Variants in HSD11B1L observed in about 807,000 individuals in gnomAD.
HSD11B1L encodes the protein hydroxysteroid 11-beta dehydrogenase 1 like.
A neutral mutation model predicts 27.0 loss-of-function variants in HSD11B1L; 22 were observed. The ratio of observed to expected loss-of-function variants is 0.81; its 90% CI spans 0.58 to 1.16. The LOEUF (loss-of-function observed/expected upper bound fraction) is 1.16, where lower values mean the gene tolerates loss of function less well. Among genes scored for constraint, HSD11B1L ranks in the 50% most tolerant of loss-of-function variants. HSD11B1L has a pLI of 0.00. For synonymous variants in HSD11B1L, 187 were observed against 189.2 expected, an observed-to-expected ratio of 0.99 and a Z score of 0.09; for missense variants, 372 against 401.8, an observed-to-expected ratio of 0.93 and a Z score of 0.63.
chr19:5,686,597 G>A lies in HSD11B1L; in HGVS notation c.316+70G>A, dbSNP rs2054699079. 27 of 1,239,222 alleles carry A rather than the reference G, an allele frequency of 2.2e-5. No individual in the cohort carries two copies. In the South Asian group the frequency reaches 3.6e-4, roughly 17 times the overall value. The allele number at this position is 1,239,222 out of a possible 1,614,324, so 76.8% of individuals were successfully genotyped here. On this transcript the variant is annotated intron_variant, in intron 4 of 7. Transcript: ENST00000339423. ...GGCCTTAGGGACAGGACCAGAATTG[G>A]GCTGTGGGTGTGGCCACAGTAACAG...
In HSD11B1L at chr19:5,685,120, G is replaced by A; in HGVS notation, c.204+1G>A. ...CCACACTGAGGCTCTCCTGCAGAAG[G>A]TGAGCCACCCCATGTCTAGATGAAT... On this transcript the variant is annotated splice_donor_variant, in intron 3 of 7. Coordinates refer to ENST00000339423, the MANE Select transcript of HSD11B1L (RefSeq NM_198706.3). LOFTEE classifies it high-confidence loss of function. This position sits in a 1 kb window ranked among gnomAD's most constrained non-coding sequence, Gnocchi z 4.3. 6.5e-7 allele frequency: 1 copy of A among 1,546,548 alleles called. No homozygotes were observed. The highest frequency in any genetic ancestry group is 8.7e-7 in the Non-Finnish European group (1 of 1,147,030).
In HSD11B1L at chr19:5,687,106, C is replaced by T. The variant is rs913452375; in HGVS notation, c.408+115C>T. 2 of 1,140,140 alleles carry T rather than the reference C, an allele frequency of 1.8e-6. No homozygotes were observed. The highest frequency in any genetic ancestry group is 2.5e-6 in the Non-Finnish European group (2 of 802,900). 70.6% of individuals were successfully genotyped at this position (1,140,140 alleles called of 1,614,324 possible). A position where few individuals can be genotyped will look rare whatever the true frequency, so the allele number is the denominator to read the frequency against. The stretch of plus-strand genomic sequence containing the variant: ...GGGAGGGCTCTCCACCCGTCCCGCC[C>T]CAGCCACGCCCCTCCTAGCCCAAGC... On this transcript the variant is annotated intron_variant, in intron 5 of 7. Coordinates refer to ENST00000339423, the MANE Select transcript of HSD11B1L (RefSeq NM_198706.3). The surrounding 1 kb of genome is among the most constrained non-coding windows in gnomAD (Gnocchi z 6.6).
intron 4 of HSD11B1L, 127 bp from the exon 5 acceptor site, chr19:5,686,773 T>A: frequency 7.6e-6 from 6 of 793,844 alleles, no homozygotes; most frequent in Non-Finnish European, 1.0e-5. Flanking sequence ...GTGTCTTTGA[T>A]CGTAGTGGGA....
chr19:5,682,783 G>T (rs1457486567), intron 1 of HSD11B1L, among the ~76,000 whole-genome samples: 2 of 150,986 alleles, frequency 1.3e-5, no homozygotes, highest in East Asian at 3.9e-4. Flanking sequence ...CCTGGTTCTG[G>T]AAGTCCCCTT....
intron 1 of HSD11B1L, chr19:5,684,198 T>G (rs1428434320): frequency 5.5e-6 from 2 of 366,886 alleles, no homozygotes; most frequent in Non-Finnish European, 9.8e-6. Flanking sequence ...GTATTTTTAA[T>G]AGAGATGGGG....
In HSD11B1L at chr19:5,683,762, C is replaced by T. The variant is rs184745072; in HGVS notation, c.-14-1057C>T. 5.9e-5 allele frequency among the ~76,000 whole-genome samples: 9 copies of T among 152,092 alleles called. No individual in the cohort carries two copies. The East Asian group carries it at 1.4e-3, about 23-fold the overall frequency. On this transcript the variant is annotated intron_variant, in intron 1 of 7. Transcript: ENST00000339423. ...CGATGATTAGTTGGGTGTGCTGGTG[C>T]GCCCACCTGTAGTCCCAGCTGCTCC...
At chr19:5,684,666 A>C in intron 1 of HSD11B1L, 153 bp from the exon 2 acceptor site, 1 of 1,232,862 alleles carries the variant, frequency 8.1e-7, no homozygotes, top group South Asian at 1.5e-5. Flanking sequence ...GCGGTGGTTC[A>C]TGGAGCCACC....
chr19:5,685,342 G>A lies in HSD11B1L; in HGVS notation c.204+223G>A, dbSNP rs1035694444. 1.0e-4 allele frequency: 69 copies of A among 681,590 alleles called. No individual in the cohort carries two copies. The highest frequency in any genetic ancestry group is 6.5e-4 in the African/African-American group (37 of 56,782). 42.2% of individuals were successfully genotyped at this position (681,590 alleles called of 1,614,324 possible). On this transcript the variant is annotated intron_variant, in intron 3 of 7. Coordinates refer to ENST00000339423, the MANE Select transcript of HSD11B1L (RefSeq NM_198706.3). This position sits in a 1 kb window ranked among gnomAD's most constrained non-coding sequence, Gnocchi z 4.3. ...CTTGTAGTCAGCACTTTGGGAGGCC[G>A]AGGAAAGTGGATCACCTGAGGTCAG...
Position 5,687,652 on chromosome 19 carries a change from G to GC in HSD11B1L, c.654dup (p.Ala219ArgfsTer99), listed in dbSNP as rs767936738. ...CCTGGGCCTCCGAGATCGCGCCTCC[G>GC]CCGCCGAGGCAGTCAGGTGAGGCCC... On this transcript the variant is annotated frameshift_variant, in exon 7 of 8. Transcript: ENST00000339423. LOFTEE classifies it high-confidence loss of function. The surrounding 1 kb of genome is among the most constrained non-coding windows in gnomAD (Gnocchi z 6.6). 1.3e-6 allele frequency: 2 copies of GC among 1,586,738 alleles called. No individual in the cohort carries two copies. The highest frequency in any genetic ancestry group is 2.3e-5 in the South Asian group (2 of 88,660).
chr19:5,684,392 C>A, intron 1 of HSD11B1L: 1 of 344,240 alleles, frequency 2.9e-6, no homozygotes, highest in Admixed American at 4.4e-5. Flanking sequence ...GAACAGCATT[C>A]TAGGCAGTAG....
At position 5,688,509 on chromosome 19, in the gene HSD11B1L, CTTCTT is replaced by C. The variant is rs2054769525; in HGVS notation, c.*565_*569del. Reference sequence around the variant, plus strand: ...AGCCTCTTGTTCGAGAATAAAAACTCTTCTTCTCTTGCATATCTGTTGTTCAAATT... The same window carrying C: ...AGCCTCTTGTTCGAGAATAAAAACTCCTCTTGCATATCTGTTGTTCAAATT... On this transcript the variant is annotated 3_prime_UTR_variant, in exon 8 of 8. Coordinates refer to ENST00000339423, the MANE Select transcript of HSD11B1L (RefSeq NM_198706.3). 1 of 305,284 alleles carries C rather than the reference CTTCTT, an allele frequency of 3.3e-6. No individual in the cohort carries two copies. Among genetic ancestry groups the C allele is most frequent in the Non-Finnish European group, 6.1e-6 (1 of 164,718 alleles). 18.9% of individuals were successfully genotyped at this position (305,284 alleles called of 1,614,324 possible).
chr19:5,687,787 A>C lies in HSD11B1L; in HGVS notation c.703A>C (p.Lys235Gln). The change falls in exon 8 of 8, where the codon AAG (lysine) becomes CAG (glutamine). Residue 235 changes from lysine to glutamine, a missense_variant. Lys to Gln is a moderately conservative substitution (Grantham distance 53, BLOSUM62 1). Coordinates refer to ENST00000339423, the MANE Select transcript of HSD11B1L (RefSeq NM_198706.3). This position sits in a 1 kb window ranked among gnomAD's most constrained non-coding sequence, Gnocchi z 6.6. The part of the protein sequence containing the change: ...VTRVKAAPGP[K>Q]AALAVIRGGA... ...GAGGGTCAAGGCGGCCCCGGGGCCC[A>C]AGGCAGCCCTGGCCGTGATCCGCGG... 1 of 1,492,332 alleles carries C rather than the reference A, an allele frequency of 6.7e-7. No individual in the cohort carries two copies. 92.4% of individuals were successfully genotyped at this position (1,492,332 alleles called of 1,614,324 possible). A position where few individuals can be genotyped will look rare whatever the true frequency, so the allele number is the denominator to read the frequency against.
chr19:5,687,090 C>A lies in HSD11B1L; in HGVS notation c.408+99C>A. The A allele has an allele frequency of 8.3e-7, 1 of 1,206,022 alleles. No individual in the cohort carries two copies. 74.7% of individuals were successfully genotyped at this position (1,206,022 alleles called of 1,614,324 possible). On this transcript the variant is annotated intron_variant, in intron 5 of 7. Transcript: ENST00000339423. This position sits in a 1 kb window ranked among gnomAD's most constrained non-coding sequence, Gnocchi z 6.6. ...GGTTCTGCCTTCTCCAGGGAGGGCT[C>A]TCCACCCGTCCCGCCCCAGCCACGC... is the stretch of plus-strand genomic sequence containing the variant.
Position 5,685,397 on chromosome 19 carries a change from G to T in HSD11B1L, c.204+278G>T, listed in dbSNP as rs754410205. 5.4e-6 allele frequency: 3 copies of T among 559,442 alleles called. No individual in the cohort carries two copies. The African/African-American group carries it at 5.6e-5, about 10-fold the overall frequency. 34.7% of individuals were successfully genotyped at this position (559,442 alleles called of 1,614,324 possible). A position where few individuals can be genotyped will look rare whatever the true frequency, so the allele number is the denominator to read the frequency against. Reference sequence around the variant, plus strand: ...TCAAGACCAGCCTGGCCAACATGGCGAAACCTGGTCTCTACTAAGAAGACA... The same window carrying T: ...TCAAGACCAGCCTGGCCAACATGGCTAAACCTGGTCTCTACTAAGAAGACA... On this transcript the variant is annotated intron_variant, in intron 3 of 7. Coordinates refer to ENST00000339423, the MANE Select transcript of HSD11B1L (RefSeq NM_198706.3). This position sits in a 1 kb window ranked among gnomAD's most constrained non-coding sequence, Gnocchi z 4.3.
rs1361453120 is a variant in HSD11B1L at position 5,685,999 on chromosome 19, T to C, written c.205-417T>C. On this transcript the variant is annotated intron_variant, in intron 3 of 7. Coordinates refer to ENST00000339423, the MANE Select transcript of HSD11B1L (RefSeq NM_198706.3). The surrounding 1 kb of genome is among the most constrained non-coding windows in gnomAD (Gnocchi z 4.3). ...AGAAGATGCAGTGTTTCTTAACAAA[T>C]GAGAGTATTGAGTGTCCAGGCCTGT... Among the ~76,000 whole-genome samples the C allele has an allele frequency of 6.6e-6, 1 of 152,118 alleles. No individual in the cohort carries two copies. Among genetic ancestry groups the C allele is most frequent in the African/African-American group, 2.4e-5 (1 of 41,410 alleles).
In HSD11B1L at chr19:5,688,303, G is replaced by A; in HGVS notation, c.*358G>A. 5.4e-6 allele frequency: 5 copies of A among 929,522 alleles called. No homozygotes were observed. The highest frequency in any genetic ancestry group is 7.9e-6 in the Non-Finnish European group (5 of 632,076). 57.6% of individuals were successfully genotyped at this position (929,522 alleles called of 1,614,324 possible). A position where few individuals can be genotyped will look rare whatever the true frequency, so the allele number is the denominator to read the frequency against. ...CTCCATCTCCTGCCTGCGCCTTTAA[G>A]TCCCTGATTTATTCTTTCCATTCAT... On this transcript the variant is annotated 3_prime_UTR_variant, in exon 8 of 8. Transcript: ENST00000339423.
chr19:5,681,916 T>G (rs2054563961), intron 1 of HSD11B1L, among the ~76,000 whole-genome samples: 1 of 152,184 alleles, frequency 6.6e-6, no homozygotes. Flanking sequence ...CACTTCCCCC[T>G]GCCGGGCTGC....
In HSD11B1L at chr19:5,688,192, T is replaced by C. The variant is rs1383476493; in HGVS notation, c.*247T>C. ...CAAGGCCTCACCTGTTTGGCCATGA[T>C]TGATGACGTGACTGCTTCCATTTTG... On this transcript the variant is annotated 3_prime_UTR_variant, in exon 8 of 8. Transcript: ENST00000339423. 4.5e-6 allele frequency: 7 copies of C among 1,547,158 alleles called. No homozygotes were observed. In the East Asian group the frequency reaches 1.5e-4, roughly 32 times the overall value.
intron 1 of HSD11B1L, chr19:5,683,891 C>T: frequency 4.1e-6 from 1 of 246,876 alleles, no homozygotes; most frequent in Non-Finnish European, 7.5e-6. Flanking sequence ...GAGACTCTGC[C>T]TCAAAAATAA....
Sources: allele counts gnomAD v4.1 joint callset (sites outside exome capture counted in the v4.1 genomes callset), GRCh38; gene constraint gnomAD v4.1.1; non-coding constraint Gnocchi (gnomAD v3.1); transcripts MANE v1.5; gene names NCBI Gene and HGNC (gene_info 2026-07-23, HGNC 2026-07-21).